KCNQ3: variants seen among roughly 807,000 people sequenced by gnomAD.
The protein encoded by KCNQ3 is potassium voltage-gated channel subfamily Q member 3.
Under a neutral mutation model 92.5 loss-of-function variants are expected in KCNQ3, and 30 were observed. The ratio of observed to expected loss-of-function variants is 0.32; its 90% CI spans 0.24 to 0.44. The LOEUF is 0.44. Ranked by LOEUF, KCNQ3 falls within the 20% of genes least tolerant of loss-of-function variation. The probability of loss-of-function intolerance (pLI) is 1.00; values close to 1 mark genes in which losing one functional copy is unlikely to be tolerated. For missense variants in KCNQ3, 913 were observed against 1,140.3 expected (o/e 0.80, Z 2.87); for synonymous variants, 450 against 468.8 (o/e 0.96, Z 0.52).
Position 132,123,816 on chromosome 8 carries a change from T to A in KCNQ3, c.*5446A>T, listed in dbSNP as rs1179857639. 1 of 152,206 alleles carries A rather than the reference T, an allele frequency of 6.6e-6. No homozygotes were observed. The highest frequency in any genetic ancestry group is 1.5e-5 in the Non-Finnish European group (1 of 68,032). 9.4% of individuals were successfully genotyped at this position (152,206 alleles called of 1,614,324 possible). On this transcript the variant is annotated 3_prime_UTR_variant, in exon 15 of 15. Coordinates refer to ENST00000388996, the MANE Select transcript of KCNQ3 (RefSeq NM_004519.4). The stretch of plus-strand genomic sequence containing the variant: ...AAATTATGTCTCTTTGCATCTATGA[T>A]AACAAATCAAAATATGAATCACAAT...
chr8:132,406,756 C>T (rs1419432536), intron 1 of KCNQ3, among the ~76,000 whole-genome samples: 1 of 152,172 alleles, frequency 6.6e-6, no homozygotes, highest in Non-Finnish European at 1.5e-5. Context: ...AGAGCAGAAA[C>T]TACATTAAAT....
chr8:132,153,929 A>G (rs1048225894), intron 9 of KCNQ3, among the ~76,000 whole-genome samples: 1 of 152,140 alleles, frequency 6.6e-6, no homozygotes, highest in South Asian at 2.1e-4. Context: ...CTAGATGAGT[A>G]GCCATTCATC....
chr8:132,421,728 A>G (rs980823311), intron 1 of KCNQ3, among the ~76,000 whole-genome samples: 4 of 152,202 alleles, frequency 2.6e-5, no homozygotes, highest in African/African-American at 9.7e-5. Flanking sequence ...AACATATGAA[A>G]GATCCTACCA....
At chr8:132,184,471 T>G in intron 2 of KCNQ3, 104 bp from the exon 3 acceptor site, 2 of 1,278,398 alleles carry the variant, frequency 1.6e-6, no homozygotes, top group Non-Finnish European at 2.2e-6. Flanking sequence ...TTTGTGCTGT[T>G]GCTGGTTGTC....
intron 1 of KCNQ3, among the ~76,000 whole-genome samples, chr8:132,387,981 GGAAGAGGAAGAGGAAGAAGAA>G (rs1021992364): frequency 1.0e-5 from 1 of 99,732 alleles, no homozygotes; most frequent in Non-Finnish European, 2.0e-5. Flanking sequence ...GAGGAGAAGA[GGAAGAGGAAGAGGAAGAAGAA>G]GAAGAGGAAG....
chr8:132,384,533 C>A (rs1819841728), intron 1 of KCNQ3, among the ~76,000 whole-genome samples: 1 of 152,162 alleles, frequency 6.6e-6, no homozygotes, highest in Non-Finnish European at 1.5e-5. Flanking sequence ...CAGATGGCAG[C>A]TGAACATCCA....
intron 1 of KCNQ3, among the ~76,000 whole-genome samples, chr8:132,195,763 C>T (rs374105128): frequency 2.6e-5 from 4 of 152,060 alleles, no homozygotes; most frequent in Non-Finnish European, 5.9e-5. Flanking sequence ...ATGCTGTCTA[C>T]GAGAGACTTA....
At chr8:132,421,745 G>C (rs904607063) in intron 1 of KCNQ3, among the ~76,000 whole-genome samples, 1 of 152,192 alleles carries the variant, frequency 6.6e-6, no homozygotes. Flanking sequence ...ACCAGGATGC[G>C]AGACACTGGC....
intron 1 of KCNQ3, among the ~76,000 whole-genome samples, chr8:132,209,180 T>C (rs1437577269): frequency 6.6e-6 from 1 of 152,146 alleles, no homozygotes; most frequent in Non-Finnish European, 1.5e-5. Flanking sequence ...CCATCTTCTC[T>C]GAGGATAATG....
intron 1 of KCNQ3, among the ~76,000 whole-genome samples, chr8:132,323,540 G>GC (rs1381188431): frequency 6.6e-6 from 1 of 152,124 alleles, no homozygotes; most frequent in African/African-American, 2.4e-5. Flanking sequence ...AAATTGTATT[G>GC]TTTTCCCCCA....
chr8:132,347,899 C>A (rs1005587211), intron 1 of KCNQ3, among the ~76,000 whole-genome samples: 7 of 148,738 alleles, frequency 4.7e-5, no homozygotes, highest in African/African-American at 1.7e-4. Flanking sequence ...ATGGCGTGAA[C>A]CTGGGAGGCG....
chr8:132,142,245 A>G (rs1394554971), intron 9 of KCNQ3, among the ~76,000 whole-genome samples: 1 of 152,210 alleles, frequency 6.6e-6, no homozygotes, highest in East Asian at 1.9e-4. Context: ...GTACAAAGAA[A>G]ATGGTTAATA....
intron 9 of KCNQ3, among the ~76,000 whole-genome samples, chr8:132,149,285 A>T (rs1402836794): frequency 1.3e-5 from 2 of 152,168 alleles, no homozygotes; most frequent in Non-Finnish European, 2.9e-5. Flanking sequence ...TGCAGCGGGG[A>T]GGAGCCTGGC....
At chr8:132,212,950 C>T (rs1813906689) in intron 1 of KCNQ3, among the ~76,000 whole-genome samples, 1 of 152,216 alleles carries the variant, frequency 6.6e-6, no homozygotes, top group Admixed American at 6.5e-5. Context: ...TGCACTTCTT[C>T]CAGTCACACC....
chr8:132,357,504 T>G (rs1819050343), intron 1 of KCNQ3, among the ~76,000 whole-genome samples: 1 of 152,202 alleles, frequency 6.6e-6, no homozygotes, highest in Non-Finnish European at 1.5e-5. Flanking sequence ...GCCCTGCACT[T>G]GTGGAATGAG....
chr8:132,406,785 C>T (rs929442319), intron 1 of KCNQ3, among the ~76,000 whole-genome samples: 23 of 152,240 alleles, frequency 1.5e-4, no homozygotes, highest in African/African-American at 5.5e-4. Flanking sequence ...CAATTGACTC[C>T]GACTTCAAGA....
intron 8 of KCNQ3, among the ~76,000 whole-genome samples, chr8:132,167,113 A>G (rs1381810171): frequency 6.6e-6 from 1 of 152,252 alleles, no homozygotes; most frequent in Non-Finnish European, 1.5e-5. Flanking sequence ...AGGTTCTGAT[A>G]GGCGCTACAA....
intron 1 of KCNQ3, among the ~76,000 whole-genome samples, chr8:132,257,139 AT>A (rs543946657): frequency 1.8e-4 from 28 of 152,252 alleles, no homozygotes; most frequent in African/African-American, 6.3e-4. Flanking sequence ...TAGGAGCAAA[AT>A]TTTTTTGTAA....
chr8:132,241,150 A>G (rs1814985197), intron 1 of KCNQ3, among the ~76,000 whole-genome samples: 1 of 152,114 alleles, frequency 6.6e-6, no homozygotes, highest in African/African-American at 2.4e-5. Context: ...CAGCCTTCCA[A>G]AGTGCTGAGA....
Sources: gnomAD v4.1 joint callset for allele counts (sites outside exome capture counted in the v4.1 genomes callset) on GRCh38, gnomAD v4.1.1 for gene constraint, MANE v1.5 for transcripts, NCBI Gene and HGNC (gene_info 2026-07-23, HGNC 2026-07-21) for gene names.